Variants in VAV3 observed in about 807,000 individuals in gnomAD.
VAV3 encodes the protein guanine nucleotide exchange factor VAV3.
Under a neutral mutation model 131.2 loss-of-function variants are expected in VAV3, and 94 were observed. The ratio of observed to expected loss-of-function variants is 0.72; its 90% CI spans 0.61 to 0.85. VAV3 has a LOEUF of 0.85. VAV3 is among the 40% of genes least tolerant of loss of function. The pLI is 0.00. For synonymous variants in VAV3, 349 were observed against 342.0 expected (o/e 1.02, Z -0.22); for missense variants, 939 against 1,002.7 (o/e 0.94, Z 0.86).
intron 2 of VAV3, among the ~76,000 whole-genome samples, chr1:107,854,010 T>C (rs1239084424): frequency 6.6e-6 from 1 of 152,154 alleles, no homozygotes; most frequent in Non-Finnish European, 1.5e-5. Flanking sequence ...AAGGTCACTA[T>C]GAATAATTAT....
At chr1:107,787,924 T>G (rs570287740) in intron 2 of VAV3, among the ~76,000 whole-genome samples, 2 of 152,040 alleles carry the variant, frequency 1.3e-5, no homozygotes, top group Admixed American at 6.6e-5. Flanking sequence ...CCTCCTAGCC[T>G]GCTTTTCCTC....
chr1:107,796,560 A>G (rs1397665081), intron 2 of VAV3, among the ~76,000 whole-genome samples: 1 of 152,076 alleles, frequency 6.6e-6, no homozygotes, highest in Non-Finnish European at 1.5e-5. Context: ...ATAAATATTA[A>G]ATTTTCTCAA....
At chr1:107,622,912 G>A (rs1039227434) in intron 20 of VAV3, among the ~76,000 whole-genome samples, 1 of 152,132 alleles carries the variant, frequency 6.6e-6, no homozygotes, top group African/African-American at 2.4e-5. Flanking sequence ...AGGAAGGAAG[G>A]ATGGATGGAA....
chr1:107,667,496 G>A (rs1034856681), intron 19 of VAV3, among the ~76,000 whole-genome samples: 1 of 152,078 alleles, frequency 6.6e-6, no homozygotes, highest in Non-Finnish European at 1.5e-5. Context: ...TAGGAAATGA[G>A]ATGCAATTTT....
chr1:107,602,911 G>T, intron 23 of VAV3, 136 bp downstream of exon 23: 1 of 629,166 alleles, frequency 1.6e-6, no homozygotes, highest in Non-Finnish European at 2.7e-6. Context: ...AAGTATTAAT[G>T]AACTGTCTGG....
intron 17 of VAV3, among the ~76,000 whole-genome samples, chr1:107,700,471 G>A (rs757934737): frequency 3.9e-5 from 6 of 152,116 alleles, no homozygotes; most frequent in Non-Finnish European, 4.4e-5. Flanking sequence ...CCTGCTTACA[G>A]ACCCCAGTGT....
intron 2 of VAV3, among the ~76,000 whole-genome samples, chr1:107,811,108 C>T (rs893958733): frequency 6.6e-6 from 1 of 152,136 alleles, no homozygotes; most frequent in Non-Finnish European, 1.5e-5. Flanking sequence ...AAAACAGACA[C>T]AGAAGGCACA....
intron 15 of VAV3, among the ~76,000 whole-genome samples, chr1:107,730,845 TAGG>T (rs1662195085): frequency 6.6e-6 from 1 of 152,156 alleles, no homozygotes; most frequent in African/African-American, 2.4e-5. Context: ...AAAACAACAG[TAGG>T]TGTTCTTGCT....
chr1:107,808,079 T>TTAA (rs1277357068), intron 2 of VAV3, among the ~76,000 whole-genome samples: 20 of 152,328 alleles, frequency 1.3e-4, no homozygotes, highest in African/African-American at 2.9e-4. Flanking sequence ...CGATGCTTTC[T>TTAA]ACATACATAT....
At chr1:107,776,770 C>A (rs996655023) in intron 4 of VAV3, among the ~76,000 whole-genome samples, 1 of 152,192 alleles carries the variant, frequency 6.6e-6, no homozygotes, top group African/African-American at 2.4e-5. Flanking sequence ...GACCTTTTGC[C>A]TCTCTTGACT....
At chr1:107,647,672 T>C (rs935082270) in intron 19 of VAV3, among the ~76,000 whole-genome samples, 12 of 152,070 alleles carry the variant, frequency 7.9e-5, no homozygotes, top group Non-Finnish European at 8.8e-5. Context: ...ATTTCCTAGG[T>C]GTGACATCCA....
chr1:107,578,998 T>A, intron 25 of VAV3: 5 of 834,224 alleles, frequency 6.0e-6, no homozygotes, highest in Non-Finnish European at 7.2e-6. Context: ...TCTTAAAATA[T>A]CTACTATTCC....
chr1:107,772,634 G>T (rs7416884), intron 5 of VAV3, 101 bp downstream of exon 5: 4 of 985,210 alleles, frequency 4.1e-6, no homozygotes, highest in African/African-American at 3.3e-5. Context: ...AGCAAGCAAA[G>T]GTTAAAAAAA....
At chr1:107,710,103 T>A (rs1363269178) in intron 15 of VAV3, among the ~76,000 whole-genome samples, 1 of 152,198 alleles carries the variant, frequency 6.6e-6, no homozygotes, top group Non-Finnish European at 1.5e-5. Flanking sequence ...AAAATCACTA[T>A]GTCATTTTAG....
intron 4 of VAV3, among the ~76,000 whole-genome samples, chr1:107,773,984 T>C (rs1400174379): frequency 6.6e-6 from 1 of 152,116 alleles, no homozygotes; most frequent in African/African-American, 2.4e-5. Flanking sequence ...AAAGTCAACC[T>C]TGCTGAAGTC....
intron 1 of VAV3, among the ~76,000 whole-genome samples, chr1:107,907,686 C>T (rs1004137807): frequency 3.3e-5 from 5 of 150,894 alleles, no homozygotes; most frequent in East Asian, 3.9e-4. Context: ...CACACACACG[C>T]GCTCTCTCTC....
chr1:107,694,290 C>T (rs543441032), intron 17 of VAV3, among the ~76,000 whole-genome samples: 35 of 152,168 alleles, frequency 2.3e-4, no homozygotes, highest in African/African-American at 7.2e-4. Flanking sequence ...TGGAACTGTT[C>T]GGAGAAAAGG....
rs72971574 is a variant in VAV3, at chr1:107,612,874, T to C, written c.1981-2909A>G. ...CCAGAAATACCATAAGGTTTCTATC[T>C]GAATTTTAGCTACCCTGCATGGTAC... is the stretch of plus-strand genomic sequence containing the variant. On this transcript the variant is annotated intron_variant, in intron 21 of 26. Transcript: ENST00000370056. 4.6e-3 allele frequency among the ~76,000 whole-genome samples: 699 copies of C among 152,232 alleles called. 8 individuals are homozygous for C. The highest frequency in any genetic ancestry group is 0.016 in the African/African-American group (667 of 41,550).
chr1:107,637,425 C>A (rs1655016171), intron 20 of VAV3, among the ~76,000 whole-genome samples: 1 of 152,052 alleles, frequency 6.6e-6, no homozygotes, highest in African/African-American at 2.4e-5. Context: ...GAGTTTGAGA[C>A]CAGCCTGGGC....
Sources: allele counts gnomAD v4.1 joint callset (sites outside exome capture counted in the v4.1 genomes callset), GRCh38; gene constraint gnomAD v4.1.1; transcripts MANE v1.5; gene names NCBI Gene and HGNC (gene_info 2026-07-23, HGNC 2026-07-21).